LINGO2: variants seen among roughly 807,000 people sequenced by gnomAD.
LINGO2 encodes leucine rich repeat and Ig domain containing 2.
LINGO2 carries 14 observed loss-of-function variants against 30.6 expected under a neutral mutation model. The ratio of observed to expected loss-of-function variants is 0.46; its 90% confidence interval spans 0.30 to 0.72. The LOEUF (loss-of-function observed/expected upper bound fraction) is 0.72, where lower values mean the gene tolerates loss of function less well. LINGO2 is among the 30% of genes least tolerant of loss of function. The pLI, the probability that LINGO2 is intolerant of heterozygous loss-of-function variation, is 0.07. For synonymous variants in LINGO2, 317 were observed against 288.5 expected (o/e 1.10, Z -1.00); for missense variants, 729 against 751.7 (o/e 0.97, Z 0.35).
the LINGO2 span, among the ~76,000 whole-genome samples, chr9:28,958,020 T>A: frequency 4.6e-4 from 70 of 152,206 alleles, no homozygotes; most frequent in African/African-American, 1.6e-3. Flanking sequence ...CTGCTTTTAA[T>A]GGCAAATCTT....
chr9:28,652,664 T>A (rs1224165493), intron 1 of LINGO2, among the ~76,000 whole-genome samples: 2 of 151,514 alleles, frequency 1.3e-5, no homozygotes, highest in African/African-American at 4.9e-5. Context: ...AGGCAGTGAG[T>A]TTGGTGTTTC....
exon 6 of LINGO2, chr9:27,948,848 C>G: frequency 1.9e-6 from 3 of 1,602,372 alleles, no homozygotes; most frequent in Non-Finnish European, 2.6e-6. Flanking sequence ...GAGGGGTGGG[C>G]CTTCAAATCA....
At chr9:29,030,412 AT>A in the LINGO2 span, among the ~76,000 whole-genome samples, 1 of 151,988 alleles carries the variant, frequency 6.6e-6, no homozygotes, top group African/African-American at 2.4e-5. Flanking sequence ...GTTAATTCAA[AT>A]TTCACCTGTT....
At chr9:28,295,000 A>G (rs929003159) in intron 4 of LINGO2, among the ~76,000 whole-genome samples, 1 of 152,188 alleles carries the variant, frequency 6.6e-6, no homozygotes. Context: ...GTGTATCTTA[A>G]AATAGCTCCT....
At chr9:27,962,823 T>A (rs1375898453) in intron 5 of LINGO2, among the ~76,000 whole-genome samples, 1 of 152,152 alleles carries the variant, frequency 6.6e-6, no homozygotes, top group Non-Finnish European at 1.5e-5. Flanking sequence ...AGCAGGAAGC[T>A]AAAATCTATA....
the LINGO2 span, among the ~76,000 whole-genome samples, chr9:28,679,971 A>G: frequency 1.3e-5 from 2 of 151,834 alleles, no homozygotes; most frequent in African/African-American, 4.8e-5. Context: ...TTTAAAATCT[A>G]TTCTCTTAGC....
At chr9:28,988,809 G>C in the LINGO2 span, among the ~76,000 whole-genome samples, 1 of 152,222 alleles carries the variant, frequency 6.6e-6, no homozygotes, top group African/African-American at 2.4e-5. Context: ...TGGTGGCACA[G>C]TTGAAGTGAC....
At chr9:28,545,819 A>G (rs1170062462) in intron 1 of LINGO2, among the ~76,000 whole-genome samples, 1 of 152,062 alleles carries the variant, frequency 6.6e-6, no homozygotes, top group Non-Finnish European at 1.5e-5. Flanking sequence ...CATTTTACAG[A>G]TTGGTTCACT....
At chr9:29,049,597 CAA>C in the LINGO2 span, among the ~76,000 whole-genome samples, 1 of 152,058 alleles carries the variant, frequency 6.6e-6, no homozygotes. Context: ...TACATATACA[CAA>C]TGAAGTACTA....
chr9:28,207,130 T>C (rs898534218), intron 4 of LINGO2, among the ~76,000 whole-genome samples: 1 of 152,166 alleles, frequency 6.6e-6, no homozygotes, highest in Non-Finnish European at 1.5e-5. Flanking sequence ...CTATTATCAA[T>C]AGCACTACAA....
chr9:28,787,872 A>G, the LINGO2 span, among the ~76,000 whole-genome samples: 2 of 152,168 alleles, frequency 1.3e-5, no homozygotes. Flanking sequence ...GTGGAAGCAC[A>G]TTCATTCTTG....
chr9:28,313,541 A>T (rs1824713291), intron 3 of LINGO2, among the ~76,000 whole-genome samples: 1 of 152,198 alleles, frequency 6.6e-6, no homozygotes, highest in African/African-American at 2.4e-5. Context: ...ATGTGTAAAG[A>T]TCAGAAGAAA....
At chr9:29,015,905 A>C in the LINGO2 span, among the ~76,000 whole-genome samples, 3 of 152,180 alleles carry the variant, frequency 2.0e-5, no homozygotes, top group Non-Finnish European at 4.4e-5. Flanking sequence ...CATCAAAATT[A>C]TTCAACCCCC....
chr9:28,118,389 C>T (rs1236848224), intron 4 of LINGO2, among the ~76,000 whole-genome samples: 1 of 152,082 alleles, frequency 6.6e-6, no homozygotes, highest in African/African-American at 2.4e-5. Flanking sequence ...CAGTTGTCTC[C>T]AGATTTTCAA....
rs756217891 is a variant in LINGO2, at chr9:27,948,992, A to G, written c.1680T>C (p.Phe560=). The stretch of plus-strand genomic sequence containing the variant: ...CTCGGCTCCACACAAAAAGGAGAAG[A>G]AAACAAAATAAAACCACTCCCAGGA... The change falls in exon 6 of 6, where the codon TTT becomes TTC. Residue 560 remains phenylalanine (F), a synonymous_variant. Transcript: ENST00000379992. The G allele has an allele frequency of 1.9e-6, 3 of 1,614,108 alleles. No homozygotes were observed. In the Middle Eastern group the frequency reaches 4.9e-4, roughly 266 times the overall value.
the LINGO2 span, among the ~76,000 whole-genome samples, chr9:29,069,853 G>A: frequency 6.6e-6 from 1 of 152,050 alleles, no homozygotes; most frequent in East Asian, 1.9e-4. Context: ...TAGATAGCCA[G>A]GACTATAAAT....
chr9:28,260,649 C>T (rs1042049132), intron 4 of LINGO2, among the ~76,000 whole-genome samples: 3 of 152,006 alleles, frequency 2.0e-5, no homozygotes, highest in East Asian at 3.9e-4. Context: ...GAGAGTCCTA[C>T]GTATGTAGCA....
chr9:28,424,639 G>A (rs1238403500), intron 2 of LINGO2, among the ~76,000 whole-genome samples: 1 of 152,134 alleles, frequency 6.6e-6, no homozygotes, highest in Non-Finnish European at 1.5e-5. Context: ...CATGTAAGCC[G>A]ACGTCATTTA....
the LINGO2 span, among the ~76,000 whole-genome samples, chr9:28,998,860 T>G: frequency 6.6e-6 from 1 of 151,932 alleles, no homozygotes; most frequent in Non-Finnish European, 1.5e-5. Context: ...ATAGCACAGG[T>G]CTAGGGACAG....
Sources: gnomAD v4.1 joint callset for allele counts (sites outside exome capture counted in the v4.1 genomes callset) on GRCh38, gnomAD v4.1.1 for gene constraint, MANE v1.5 for transcripts, NCBI Gene and HGNC (gene_info 2026-07-23, HGNC 2026-07-21) for gene names.